The following EML5 variants were observed in gnomAD, a reference collection of about 807,000 sequenced individuals.
The protein encoded by EML5 is echinoderm microtubule-associated protein-like 5.
Under a neutral mutation model 250.0 loss-of-function variants are expected in EML5, and 120 were observed. The ratio of observed to expected loss-of-function variants is 0.48; its 90% confidence interval spans 0.41 to 0.56. EML5 has a LOEUF of 0.56. Ranked by LOEUF, EML5 falls within the 20% of genes least tolerant of loss-of-function variation. The pLI is 0.00. For missense variants in EML5, 2,006 were observed against 2,437.6 expected (o/e 0.82, Z 3.73); for synonymous variants, 771 against 806.5 (o/e 0.96, Z 0.75).
At chr14:88,664,730 G>T in intron 22 of EML5, 106 bp from the exon 23 acceptor site, 1 of 1,117,892 alleles carries the variant, frequency 8.9e-7, no homozygotes, top group Non-Finnish European at 1.3e-6. Flanking sequence ...AATCTTAGCT[G>T]TTTCATAAAT....
chr14:88,731,936 T>C (rs1329458162), intron 7 of EML5, among the ~76,000 whole-genome samples: 1 of 152,128 alleles, frequency 6.6e-6, no homozygotes, highest in African/African-American at 2.4e-5. Context: ...AGTAAATTTG[T>C]TTGAGTTCTT....
chr14:88,736,639 T>C (rs2093844506), intron 6 of EML5, 74 bp from the exon 7 acceptor site: 1 of 1,445,658 alleles, frequency 6.9e-7, no homozygotes, highest in Non-Finnish European at 9.6e-7. Context: ...CAAATCCCTA[T>C]GCAGATAGGG....
At chr14:88,727,082 C>T (rs559351225) in intron 7 of EML5, among the ~76,000 whole-genome samples, 3 of 152,202 alleles carry the variant, frequency 2.0e-5, no homozygotes, top group African/African-American at 7.2e-5. Context: ...CCTTTTAGCA[C>T]AGTTATAGTG....
At chr14:88,672,830 G>A (rs979835360) in intron 21 of EML5, among the ~76,000 whole-genome samples, 2 of 152,072 alleles carry the variant, frequency 1.3e-5, no homozygotes, top group Non-Finnish European at 2.9e-5. Flanking sequence ...CTCCAAAGAC[G>A]GAACCAGGAA....
intron 1 of EML5, among the ~76,000 whole-genome samples, chr14:88,759,744 C>T (rs2094213368): frequency 7.2e-6 from 1 of 139,684 alleles, no homozygotes; most frequent in Non-Finnish European, 1.5e-5. Context: ...AGTTTAACTA[C>T]AAAATCTTCA....
chr14:88,617,703 G>A (rs1463690436), intron 41 of EML5: 1 of 152,352 alleles, frequency 6.6e-6, no homozygotes, highest in African/African-American at 2.4e-5. Flanking sequence ...CTAGGCTCAA[G>A]TGATCCTCCC....
In EML5 at chr14:88,624,994, A is replaced by G; in HGVS notation, c.4874T>C (p.Ile1625Thr). The change falls in exon 36 of 44, where the codon ATC (isoleucine) becomes ACC (threonine). Residue 1625 changes from isoleucine to threonine, a missense_variant. Ile to Thr is a moderately conservative substitution (Grantham distance 89). Around this residue, in one of 7 missense-constraint regions of EML5, gnomAD observed 405 missense variants for 523.3 expected, o/e 0.77. Transcript: ENST00000554922. ...CGGCCTTTCCTTTCCCCCAGTCACG[A>G]TAAGTCCATCTCGCAGGGTGGTGTA... ...AMYTTLRDGLIVTGGKERPSK... is the reference protein window; with the variant it reads ...AMYTTLRDGLTVTGGKERPSK... 2.5e-6 allele frequency: 4 copies of G among 1,613,672 alleles called. No homozygotes were observed. The highest frequency in any genetic ancestry group is 2.5e-6 in the Non-Finnish European group (3 of 1,179,680).
intron 1 of EML5, among the ~76,000 whole-genome samples, chr14:88,755,415 A>G (rs1266457444): frequency 1.3e-5 from 2 of 152,158 alleles, no homozygotes; most frequent in East Asian, 3.8e-4. Context: ...TAGCACTCCT[A>G]CTATAACACT....
At chr14:88,697,469 A>C (rs1193040711) in intron 14 of EML5, among the ~76,000 whole-genome samples, 1 of 152,142 alleles carries the variant, frequency 6.6e-6, no homozygotes, top group African/African-American at 2.4e-5. Context: ...GGGTAAACAA[A>C]TATTCAGAGG....
chr14:88,625,122 G>A lies in EML5; in HGVS notation c.4746C>T (p.Asn1582=), dbSNP rs747813859. The A allele has an allele frequency of 6.2e-7, 1 of 1,613,450 alleles. No homozygotes were observed. Among genetic ancestry groups the A allele is most frequent in the South Asian group, 1.1e-5 (1 of 90,884 alleles). Residue 1582 remains asparagine (N), a synonymous_variant, in exon 36 of 44, where the codon AAC becomes AAT. Coordinates refer to ENST00000554922, the MANE Select transcript of EML5 (RefSeq NM_183387.3). ...CACTGATGGTACCTGTAAACGTCAA[G>A]TTATTCTGAAAAGGAGTGGGGGAGG... ...TMLAIAFGAN[N]LTFTGTISGD...
rs2088777920 is a variant in EML5, at chr14:88,620,909, C to T, written c.5220G>A (p.Val1740=). ...DIADKKMLNK[V]NLGHAARTVC... Reference sequence around the variant, plus strand: ...CAGTACGAGCAGCATGTCCCAAATTCACTTTGTTTAACATCTTCTGCATTT... The same window carrying T: ...CAGTACGAGCAGCATGTCCCAAATTTACTTTGTTTAACATCTTCTGCATTT... The change falls in exon 39 of 44, where the codon GTG becomes GTA. Residue 1740 remains valine (V), a synonymous_variant. Coordinates refer to ENST00000554922, the MANE Select transcript of EML5 (RefSeq NM_183387.3). This position sits in a 1 kb window ranked among gnomAD's most constrained non-coding sequence, Gnocchi z 4.3. The T allele has an allele frequency of 6.6e-7, 1 of 1,503,954 alleles. No individual in the cohort carries two copies. The highest frequency in any genetic ancestry group is 1.5e-5 in the African/African-American group (1 of 68,690). The allele number at this position is 1,503,954 out of a possible 1,614,324, so 93.2% of individuals were successfully genotyped here.
chr14:88,629,009 T>A (rs1056081354), intron 33 of EML5, among the ~76,000 whole-genome samples: 2 of 152,090 alleles, frequency 1.3e-5, no homozygotes, highest in Non-Finnish European at 2.9e-5. Context: ...AATATATTAT[T>A]CATTCATTAA....
chr14:88,739,414 TCCC>T (rs1233401807), intron 5 of EML5, among the ~76,000 whole-genome samples: 1 of 150,182 alleles, frequency 6.7e-6, no homozygotes, highest in African/African-American at 2.5e-5. Flanking sequence ...CTGGAGCCAA[TCCC>T]CCCCAAAATA....
At chr14:88,660,835 CTGA>C (rs1337964684) in intron 25 of EML5, among the ~76,000 whole-genome samples, 1 of 151,560 alleles carries the variant, frequency 6.6e-6, no homozygotes, top group Non-Finnish European at 1.5e-5. Context: ...ACAAATGATG[CTGA>C]TGATTTAAAA....
chr14:88,746,328 A>G (rs1439835069), intron 2 of EML5, 45 bp from the exon 3 acceptor site: 1 of 1,501,162 alleles, frequency 6.7e-7, no homozygotes, highest in East Asian at 2.3e-5. Flanking sequence ...AAAGGCAAAC[A>G]AATCAAAGAG....
intron 13 of EML5, among the ~76,000 whole-genome samples, chr14:88,703,562 T>C (rs1318248187): frequency 1.3e-5 from 2 of 152,174 alleles, no homozygotes; most frequent in Non-Finnish European, 2.9e-5. Context: ...TACAACTGCA[T>C]AGAAACTACT....
chr14:88,623,294 G>A (rs189543000), intron 36 of EML5: 1 of 152,240 alleles, frequency 6.6e-6, no homozygotes, highest in East Asian at 1.9e-4. Context: ...TGGGATTCCA[G>A]GTATGAGCCA....
chr14:88,754,616 G>A lies in EML5; in HGVS notation c.253C>T (p.Pro85Ser), dbSNP rs774905086. The change falls in exon 2 of 44, where the codon CCT becomes TCT. Residue 85 changes from proline (P) to serine (S), a missense_variant. By Grantham distance (74) the Pro-to-Ser change is moderately conservative. Transcript: ENST00000554922. ...TATGAATCCCAAATACAAATATAAG[G>A]CTCTTTCCCAACTTGTCCTGTTGCT... ...LVATGQVGKE[P>S]YICIWDSYTV... The A allele has an allele frequency of 1.2e-6, 2 of 1,613,024 alleles. No homozygotes were observed. The highest frequency in any genetic ancestry group is 8.5e-7 in the Non-Finnish European group (1 of 1,179,488).
At chr14:88,770,195 G>C (rs1473084249) in intron 1 of EML5, among the ~76,000 whole-genome samples, 3 of 152,164 alleles carry the variant, frequency 2.0e-5, no homozygotes, top group African/African-American at 7.2e-5. Flanking sequence ...TGCACAGAAA[G>C]TCTGGAGAAG....
Sources: gnomAD v4.1 joint callset for allele counts (sites outside exome capture counted in the v4.1 genomes callset) on GRCh38, gnomAD v4.1.1 for gene constraint, gnomAD v4.1.1 regional missense constraint, Gnocchi (gnomAD v3.1) non-coding constraint, MANE v1.5 for transcripts, NCBI Gene and HGNC (gene_info 2026-07-23, HGNC 2026-07-21) for gene names.